Variants in ZNF426 observed in about 807,000 individuals in gnomAD.
ZNF426 encodes zinc finger protein 426, also known as CTC-543D15.7.
Under a neutral mutation model 24.0 loss-of-function variants are expected in ZNF426, and 23 were observed. The observed-to-expected ratio is 0.96, with a 90% CI of 0.69 to 1.36. The LOEUF (loss-of-function observed/expected upper bound fraction) is 1.36. Among genes scored for constraint, ZNF426 ranks in the 40% most tolerant of loss-of-function variants. The pLI is 0.00. For missense variants in ZNF426, 646 were observed against 658.4 expected (o/e 0.98, Z 0.21); for synonymous variants, 272 against 224.6 (o/e 1.21, Z -1.89).
rs530613225 is a variant in ZNF426, at chr19:9,538,332, C to T, written c.-198G>A. ...ACGGAGCCAACGCGGATGCAAAAGGCAGCAATTATTTTCCTGCCGGAAAAA... is the reference window on the plus strand; with the variant it reads ...ACGGAGCCAACGCGGATGCAAAAGGTAGCAATTATTTTCCTGCCGGAAAAA... On this transcript the variant is annotated 5_prime_UTR_variant, in exon 2 of 8. Transcript: ENST00000253115. 4 of 152,286 alleles carry T rather than the reference C, an allele frequency of 2.6e-5. No homozygotes were observed. Among genetic ancestry groups the T allele is most frequent in the African/African-American group, 9.6e-5 (4 of 41,556 alleles). The allele number at this position is 152,286 out of a possible 1,614,324, so 9.4% of individuals were successfully genotyped here. A position where few individuals can be genotyped will look rare whatever the true frequency, so the allele number is the denominator to read the frequency against.
intron 4 of ZNF426, 133 bp from the exon 5 acceptor site, chr19:9,534,099 T>G: frequency 2.5e-6 from 3 of 1,177,376 alleles, no homozygotes; most frequent in Non-Finnish European, 3.6e-6. Flanking sequence ...GTTTTAAGGG[T>G]CCTAGAAACT....
chr19:9,529,731 A>ATG, intron 7 of ZNF426, 95 bp from the exon 8 acceptor site: 1 of 1,224,954 alleles, frequency 8.2e-7, no homozygotes. Flanking sequence ...GGTGATTATA[A>ATG]TTGATGCCAT....
At position 9,533,796 on chromosome 19, in the gene ZNF426, A is replaced by G. The variant is rs771757665; in HGVS notation, c.244+44T>C. 10 of 1,611,636 alleles carry G rather than the reference A, an allele frequency of 6.2e-6. No homozygotes were observed. In the East Asian group the frequency reaches 1.3e-4, roughly 22 times the overall value. The stretch of plus-strand genomic sequence containing the variant: ...TGCTGCAAAACAGTAAGTACAAAAC[A>G]TATCAGTTCCATAGAAGGCTGCAAG... On this transcript the variant is annotated intron_variant, in intron 5 of 7. Transcript: ENST00000253115.
chr19:9,530,821 T>G (rs1302216146), intron 7 of ZNF426, among the ~76,000 whole-genome samples, 164 bp downstream of exon 7: 3 of 152,106 alleles, frequency 2.0e-5, no homozygotes, highest in African/African-American at 7.2e-5. Flanking sequence ...GTGTGAAAGC[T>G]CCAAAGAAAC....
rs2073781808 is a variant in ZNF426 at position 9,525,341 on chromosome 19, TCTC to T, written c.*3036_*3038del. ...CAACATTTCTTATGCTGAAAGGGCA[TCTC>T]TCCAGAGTAAATTTTCACACATTCA... On this transcript the variant is annotated 3_prime_UTR_variant, in exon 8 of 8. Coordinates refer to ENST00000253115, the MANE Select transcript of ZNF426 (RefSeq NM_024106.3). 2 of 152,238 alleles carry T rather than the reference TCTC, an allele frequency of 1.3e-5. No homozygotes were observed. Among genetic ancestry groups the T allele is most frequent in the African/African-American group, 4.8e-5 (2 of 41,462 alleles). 9.4% of individuals were successfully genotyped at this position (152,238 alleles called of 1,614,324 possible).
Position 9,528,350 on chromosome 19 carries a change from T to C in ZNF426, c.*30A>G, listed in dbSNP as rs768800002. 6.5e-7 allele frequency: 1 copy of C among 1,538,642 alleles called. No homozygotes were observed. The highest frequency in any genetic ancestry group is 2.3e-5 in the East Asian group (1 of 44,354). On this transcript the variant is annotated 3_prime_UTR_variant, in exon 8 of 8. Coordinates refer to ENST00000253115, the MANE Select transcript of ZNF426 (RefSeq NM_024106.3). Reference sequence around the variant, plus strand: ...AGTGAACTGGAACAAATGAGAGCTTTCCCACATTTATTACATGGACAGTTT... The same window carrying C: ...AGTGAACTGGAACAAATGAGAGCTTCCCCACATTTATTACATGGACAGTTT...
intron 4 of ZNF426, among the ~76,000 whole-genome samples, chr19:9,534,814 T>A (rs943888870): frequency 3.3e-5 from 5 of 151,812 alleles, no homozygotes; most frequent in African/African-American, 1.2e-4. Flanking sequence ...AGGCTGATCT[T>A]GAACTCCTGT....
chr19:9,531,261 T>TG (rs2073879877), intron 6 of ZNF426, among the ~76,000 whole-genome samples, 194 bp from the exon 7 acceptor site: 2 of 152,124 alleles, frequency 1.3e-5, no homozygotes, highest in Non-Finnish European at 1.5e-5. Flanking sequence ...GGTGAGCACC[T>TG]GCAATCCCAG....
intron 3 of ZNF426, 144 bp downstream of exon 3, chr19:9,536,064 C>A (rs1437844450): frequency 4.2e-6 from 4 of 960,810 alleles, no homozygotes; most frequent in Non-Finnish European, 6.3e-6. Flanking sequence ...CAGGCAGAGC[C>A]TGACTCACAA....
Position 9,529,159 on chromosome 19 carries a change from T to C in ZNF426, c.886A>G (p.Ser296Gly). The C allele has an allele frequency of 6.2e-7, 1 of 1,614,248 alleles. No homozygotes were observed. Among genetic ancestry groups the C allele is most frequent in the South Asian group, 1.1e-5 (1 of 91,086 alleles). Residue 296 changes from serine (S) to glycine (G), a missense_variant, in exon 8 of 8, where the codon AGT becomes GGT. Ser to Gly is a moderately conservative substitution (Grantham distance 56, BLOSUM62 0). Transcript: ENST00000253115. Reference protein sequence around the residue: ...GKGYRYPAYLSIHMRTHTGEK... With the variant: ...GKGYRYPAYLGIHMRTHTGEK... ...CCAGTGTGGGTTCGCATGTGAATAC[T>C]GAGGTAGGCTGGGTATCTATAGCCT...
At chr19:9,536,419 C>T (rs1488875011) in intron 2 of ZNF426, 63 bp from the exon 3 acceptor site, 28 of 1,449,582 alleles carry the variant, frequency 1.9e-5, no homozygotes, top group East Asian at 1.3e-4. Flanking sequence ...ACATATACAC[C>T]GGCTGGGGCA....
Position 9,529,220 on chromosome 19 carries a change from A to T in ZNF426, c.825T>A (p.Asn275Lys). The change falls in exon 8 of 8, where the codon AAT (asparagine) becomes AAA (lysine). Residue 275 changes from asparagine (N) to lysine (K), a missense_variant. Coordinates refer to ENST00000253115, the MANE Select transcript of ZNF426 (RefSeq NM_024106.3). ...TSLSVLIETL[N>K]AKKPYKCKEC... ...CCTTACATTTGTAGGGCTTTTTTGC[A>T]TTGAGGGTTTCTATAAGCACAGAAA... is the stretch of plus-strand genomic sequence containing the variant. 1 of 1,613,922 alleles carries T rather than the reference A, an allele frequency of 6.2e-7. No individual in the cohort carries two copies. The highest frequency in any genetic ancestry group is 1.1e-5 in the South Asian group (1 of 91,026).
At chr19:9,536,456 T>G (rs549791502) in intron 2 of ZNF426, 100 bp from the exon 3 acceptor site, 5 of 1,217,004 alleles carry the variant, frequency 4.1e-6, no homozygotes, top group Non-Finnish European at 5.6e-6. Flanking sequence ...ATCCCAGCAT[T>G]TTGGGAGGCC....
In ZNF426 at chr19:9,536,158, T is replaced by G. The variant is rs762091417; in HGVS notation, c.25+50A>C. 22 of 1,612,090 alleles carry G rather than the reference T, an allele frequency of 1.4e-5. No homozygotes were observed. In the South Asian group the frequency reaches 2.4e-4, roughly 18 times the overall value. On this transcript the variant is annotated intron_variant, in intron 3 of 7. Coordinates refer to ENST00000253115, the MANE Select transcript of ZNF426 (RefSeq NM_024106.3). ...GCCCAAACCACTAGACCCTATATTG[T>G]GTAAAGGGAACCTAGAACAGGATAT... is the stretch of plus-strand genomic sequence containing the variant.
Position 9,527,778 on chromosome 19 carries a change from G to C in ZNF426, c.*602C>G, listed in dbSNP as rs1361869288. The stretch of plus-strand genomic sequence containing the variant: ...AGAATTTTATTTGTTCAAAGTTCTG[G>C]AAGCCCAAGATGAAGGTGCCAGCAG... On this transcript the variant is annotated 3_prime_UTR_variant, in exon 8 of 8. Coordinates refer to ENST00000253115, the MANE Select transcript of ZNF426 (RefSeq NM_024106.3). The C allele has an allele frequency of 2.0e-5, 3 of 152,194 alleles. No homozygotes were observed. The highest frequency in any genetic ancestry group is 4.4e-5 in the Non-Finnish European group (3 of 68,060). The allele number at this position is 152,194 out of a possible 1,614,324, so 9.4% of individuals were successfully genotyped here.
chr19:9,528,454 GT>G lies in ZNF426; in HGVS notation c.1590del (p.Lys530AsnfsTer32). 1 of 1,613,940 alleles carries G rather than the reference GT, an allele frequency of 6.2e-7. No individual in the cohort carries two copies. The highest frequency in any genetic ancestry group is 8.5e-7 in the Non-Finnish European group (1 of 1,179,950). ...RIHEKTHTEE[K>X]PYKCQQCGKA... is the part of the protein sequence containing the mutation. ...TTCCCGCATTGCTGACATTTATAGG[GT>G]TTCTCTTCTGTGTGAGTTTTTTCAT... On this transcript the variant is annotated frameshift_variant, in exon 8 of 8. Transcript: ENST00000253115. LOFTEE classifies it low-confidence loss of function (END_TRUNC).
chr19:9,528,880 C>G lies in ZNF426; in HGVS notation c.1165G>C (p.Glu389Gln). Residue 389 changes from glutamate (E) to glutamine (Q), a missense_variant, in exon 8 of 8, where the codon GAG (glutamate) becomes CAG (glutamine). Physicochemically the swap from Glu to Gln is conservative, Grantham distance 29. Coordinates refer to ENST00000253115, the MANE Select transcript of ZNF426 (RefSeq NM_024106.3). ...LIQHIRTHTGEKPFVCVECGK... is the reference protein window; with the variant it reads ...LIQHIRTHTGQKPFVCVECGK... ...CATTCAACACATACAAAAGGCTTCT[C>G]TCCAGTGTGAGTTCTTATATGTTGA... The G allele has an allele frequency of 1.9e-6, 3 of 1,614,212 alleles. No homozygotes were observed. Among genetic ancestry groups the G allele is most frequent in the Non-Finnish European group, 2.5e-6 (3 of 1,180,042 alleles).
At chr19:9,537,864 G>A (rs182892544) in intron 2 of ZNF426, among the ~76,000 whole-genome samples, 1 of 152,064 alleles carries the variant, frequency 6.6e-6, no homozygotes, top group Non-Finnish European at 1.5e-5. Flanking sequence ...ATCTTAGCCA[G>A]GCTGGTTTCA....
Position 9,535,207 on chromosome 19 carries a change from C to A in ZNF426, c.98G>T (p.Cys33Phe). ...TTTTACCTGATAACAATCTGTTAGGCAGTCAGCCACTATTCTTCCTGCTGG... is the reference window on the plus strand; with the variant it reads ...TTTTACCTGATAACAATCTGTTAGGAAGTCAGCCACTATTCTTCCTGCTGG... ...KTPAGRIVAD[C>F]LTDCYQDSVT... The change falls in exon 4 of 8, where the codon TGC becomes TTC. Residue 33 changes from cysteine to phenylalanine, a missense_variant. Coordinates refer to ENST00000253115, the MANE Select transcript of ZNF426 (RefSeq NM_024106.3). 1.2e-6 allele frequency: 2 copies of A among 1,613,198 alleles called. No individual in the cohort carries two copies. The highest frequency in any genetic ancestry group is 1.7e-6 in the Non-Finnish European group (2 of 1,179,434).
Sources: gnomAD v4.1 joint callset for allele counts (sites outside exome capture counted in the v4.1 genomes callset) on GRCh38, gnomAD v4.1.1 for gene constraint, MANE v1.5 for transcripts, NCBI Gene and HGNC (gene_info 2026-07-23, HGNC 2026-07-21) for gene names.